IRS1: variants seen among roughly 807,000 people sequenced by gnomAD.
IRS1 encodes insulin receptor substrate 1.
A neutral mutation model predicts 65.6 loss-of-function variants in IRS1; 34 were observed. The observed-to-expected ratio is 0.52, with a 90% CI of 0.39 to 0.69. IRS1 has a LOEUF of 0.69. IRS1 is among the 30% of genes least tolerant of loss of function. IRS1 has a pLI of 0.00. For missense variants in IRS1, 1,641 were observed against 1,720.2 expected (o/e 0.95, Z 0.81); for synonymous variants, 699 against 683.5 (o/e 1.02, Z -0.35).
chr2:226,781,038 A>G (rs1939371403), intron 1 of IRS1, among the ~76,000 whole-genome samples: 1 of 152,190 alleles, frequency 6.6e-6, no homozygotes, highest in South Asian at 2.1e-4. Context: ...TTTAGTAGGA[A>G]GGAGTGCCAT....
Position 226,795,717 on chromosome 2 carries a change from C to A in IRS1, c.3022G>T (p.Ala1008Ser), listed in dbSNP as rs764021548. ...CGCATGTCAGCATAGCTTACAGGGG[C>A]AGCTGGCGAGGTGTCCACGTAGCTC... ...RQSYVDTSPA[A>S]PVSYADMRTG... is the part of the protein sequence containing the mutation. Residue 1008 changes from alanine to serine, a missense_variant, in exon 1 of 2, where the codon GCC becomes TCC. Physicochemically the swap from Ala to Ser is moderately conservative, Grantham distance 99. This residue lies in a region of IRS1 where 1,324 missense variants were observed against 1,361.0 expected (regional missense o/e 0.97). Transcript: ENST00000305123. 6.2e-7 allele frequency: 1 copy of A among 1,613,402 alleles called. No individual in the cohort carries two copies. Among genetic ancestry groups the A allele is most frequent in the Admixed American group, 1.7e-5 (1 of 60,030 alleles).
rs766239600 is a variant in IRS1, at chr2:226,733,012, A to G, written c.*3260T>C. On this transcript the variant is annotated 3_prime_UTR_variant, in exon 2 of 2. Transcript: ENST00000305123. ...GTCACCAGCAGTTGGAAGACTGCAC[A>G]TGGATACTATTTGTCATGGCTCTCG... 3.3e-5 allele frequency: 5 copies of G among 152,188 alleles called. No individual in the cohort carries two copies. The highest frequency in any genetic ancestry group is 7.3e-5 in the Non-Finnish European group (5 of 68,042). 9.4% of individuals were successfully genotyped at this position (152,188 alleles called of 1,614,324 possible).
At chr2:226,750,106 G>A (rs1017938204) in intron 1 of IRS1, among the ~76,000 whole-genome samples, 29 of 152,004 alleles carry the variant, frequency 1.9e-4, no homozygotes, top group African/African-American at 6.8e-4. Context: ...AAAATTAGCT[G>A]GGTGTGGTGG....
At chr2:226,765,606 A>G (rs1228676865) in intron 1 of IRS1, among the ~76,000 whole-genome samples, 1 of 152,194 alleles carries the variant, frequency 6.6e-6, no homozygotes, top group African/African-American at 2.4e-5. Flanking sequence ...TAAAGTATCC[A>G]TGGAGCTTTT....
intron 1 of IRS1, among the ~76,000 whole-genome samples, chr2:226,765,031 T>C (rs987096816): frequency 6.6e-6 from 1 of 152,246 alleles, no homozygotes; most frequent in Non-Finnish European, 1.5e-5. Flanking sequence ...CCTTTTGAAT[T>C]ATATATCCTT....
chr2:226,745,129 A>C (rs1938513982), intron 1 of IRS1, among the ~76,000 whole-genome samples: 1 of 152,232 alleles, frequency 6.6e-6, no homozygotes, highest in South Asian at 2.1e-4. Context: ...TATGATAGTA[A>C]TTCTTCAACA....
At position 226,797,267 on chromosome 2, in the gene IRS1, C is replaced by T. The variant is rs1939753838; in HGVS notation, c.1472G>A (p.Gly491Asp). 2 of 1,613,502 alleles carry T rather than the reference C, an allele frequency of 1.2e-6. No homozygotes were observed. The highest frequency in any genetic ancestry group is 1.7e-6 in the Non-Finnish European group (2 of 1,179,938). The change falls in exon 1 of 2, where the codon GGC becomes GAC. Residue 491 changes from glycine to aspartate, a missense_variant. Coordinates refer to ENST00000305123, the MANE Select transcript of IRS1 (RefSeq NM_005544.3). This position sits in a 1 kb window ranked among gnomAD's most constrained non-coding sequence, Gnocchi z 8.1. ...GHYILSRGGN[G>D]HRCTPGTGLG... ...GCCTGTTCCTGGGGTGCAGCGGTGG[C>T]CATTGCCACCCCGAGACAAAATGTA...
At chr2:226,783,881 C>G (rs1939435903) in intron 1 of IRS1, among the ~76,000 whole-genome samples, 1 of 152,088 alleles carries the variant, frequency 6.6e-6, no homozygotes, top group Non-Finnish European at 1.5e-5. Context: ...CATTGCTTCC[C>G]TGCTCTTGCT....
rs1265038556 is a variant in IRS1, at chr2:226,797,161, G to C, written c.1578C>G (p.His526Gln). The C allele has an allele frequency of 1.9e-6, 3 of 1,613,860 alleles. No homozygotes were observed. Among genetic ancestry groups the C allele is most frequent in the Admixed American group, 1.7e-5 (1 of 60,010 alleles). Reference sequence around the variant, plus strand: ...TAATGGTAGGGGATGTGCCTGCCGAGTGAGTTCTCTTTCGGAACCGATTAT... The same window carrying C: ...TAATGGTAGGGGATGTGCCTGCCGACTGAGTTCTCTTTCGGAACCGATTAT... ...DLDNRFRKRT[H>Q]SAGTSPTITH... Residue 526 changes from histidine (H) to glutamine (Q), a missense_variant, in exon 1 of 2, where the codon CAC (histidine) becomes CAG (glutamine). Coordinates refer to ENST00000305123, the MANE Select transcript of IRS1 (RefSeq NM_005544.3). This position sits in a 1 kb window ranked among gnomAD's most constrained non-coding sequence, Gnocchi z 8.1.
intron 1 of IRS1, among the ~76,000 whole-genome samples, chr2:226,784,997 C>G (rs952611623): frequency 6.6e-6 from 1 of 152,310 alleles, no homozygotes; most frequent in African/African-American, 2.4e-5. Context: ...CAGGACATCA[C>G]TAGTGTAAAT....
At chr2:226,770,242 A>T (rs766603694) in intron 1 of IRS1, among the ~76,000 whole-genome samples, 1 of 152,212 alleles carries the variant, frequency 6.6e-6, no homozygotes, top group Non-Finnish European at 1.5e-5. Flanking sequence ...CCCCTCAAAC[A>T]TGTGTGAATT....
rs769109350 is a variant in IRS1, at chr2:226,799,365, TTGCTGCTGCTGC to T, written c.-639_-628del. On this transcript the variant is annotated 5_prime_UTR_variant, in exon 1 of 2. Coordinates refer to ENST00000305123, the MANE Select transcript of IRS1 (RefSeq NM_005544.3). This position sits in a 1 kb window ranked among gnomAD's most constrained non-coding sequence, Gnocchi z 6.1. The stretch of plus-strand genomic sequence containing the variant: ...GACCGCGGCGCTGCGGCTGTTGCTG[TTGCTGCTGCTGC>T]TGCTGCTGCTGCTGCCGCCGCCCGC... The T allele has an allele frequency of 6.0e-5, 74 of 1,239,850 alleles. No homozygotes were observed. The African/African-American group carries it at 1.0e-3, about 17-fold the overall frequency. The allele number at this position is 1,239,850 out of a possible 1,614,324, so 76.8% of individuals were successfully genotyped here.
In IRS1 at chr2:226,797,329, G is replaced by C; in HGVS notation, c.1410C>G (p.Gly470=). Residue 470 remains glycine (G), a synonymous_variant, in exon 1 of 2, where the codon GGC becomes GGG. Transcript: ENST00000305123. The surrounding 1 kb of genome is among the most constrained non-coding windows in gnomAD (Gnocchi z 8.1). Reference sequence around the variant, plus strand: ...GGGCGGTCAGGGTGGAGGGCCCCTTGCCACCCATGCAGATATAGTTGCTTA... The same window carrying C: ...GGGCGGTCAGGGTGGAGGGCCCCTTCCCACCCATGCAGATATAGTTGCTTA... The part of the protein sequence containing the change: ...EELSNYICMG[G]KGPSTLTAPN... 6.2e-7 allele frequency: 1 copy of C among 1,613,422 alleles called. No homozygotes were observed. Among genetic ancestry groups the C allele is most frequent in the Non-Finnish European group, 8.5e-7 (1 of 1,179,994 alleles).
At chr2:226,768,691 T>C (rs1487250477) in intron 1 of IRS1, among the ~76,000 whole-genome samples, 1 of 152,146 alleles carries the variant, frequency 6.6e-6, no homozygotes, top group African/African-American at 2.4e-5. Context: ...CAAAATCTTG[T>C]AGTGGCGCTA....
In IRS1 at chr2:226,798,278, A is replaced by G. The variant is rs1939792521; in HGVS notation, c.461T>C (p.Val154Ala). Residue 154 changes from valine to alanine, a missense_variant, in exon 1 of 2, where the codon GTG becomes GCG. Val to Ala is a moderately conservative substitution (Grantham distance 64). Around this residue, in one of 3 missense-constraint regions of IRS1, gnomAD observed 240 missense variants for 229.6 expected, o/e 1.05. Coordinates refer to ENST00000305123, the MANE Select transcript of IRS1 (RefSeq NM_005544.3). This position sits in a 1 kb window ranked among gnomAD's most constrained non-coding sequence, Gnocchi z 9.4. The stretch of plus-strand genomic sequence containing the variant: ...CTCTTTGAATGCGGGTCCTGGGGGC[A>G]CGTCACCGTAGCTCAAGTCCTCCCC... ...EAGEDLSYGDVPPGPAFKEVW... is the reference protein window; with the variant it reads ...EAGEDLSYGDAPPGPAFKEVW... The G allele has an allele frequency of 1.2e-6, 2 of 1,613,056 alleles. No homozygotes were observed. The highest frequency in any genetic ancestry group is 4.5e-5 in the East Asian group (2 of 44,862).
rs1230199931 is a variant in IRS1, at chr2:226,795,806, G to A, written c.2933C>T (p.Pro978Leu). 1.9e-6 allele frequency: 3 copies of A among 1,612,914 alleles called. No individual in the cohort carries two copies. The highest frequency in any genetic ancestry group is 2.5e-6 in the Non-Finnish European group (3 of 1,179,772). Residue 978 changes from proline to leucine, a missense_variant, in exon 1 of 2, where the codon CCT becomes CTT. Physicochemically the swap from Pro to Leu is moderately conservative, Grantham distance 98. Coordinates refer to ENST00000305123, the MANE Select transcript of IRS1 (RefSeq NM_005544.3). ...APPGAASICR[P>L]TRAVPSSRGD... ...CCGGCTGCTGGGCACTGCCCGGGTA[G>A]GCCTGCAAATGCTAGCAGCCCCGGG...
rs138975702 is a variant in IRS1 at position 226,796,679 on chromosome 2, T to TTGC, written c.2057_2059dup (p.Ser686dup). 2.4e-4 allele frequency: 390 copies of TTGC among 1,610,450 alleles called. No individual in the cohort carries two copies. The highest frequency in any genetic ancestry group is 8.9e-4 in the South Asian group (81 of 90,746). ...ATAGCTGGTCCCGGAAGGGACGGCG[T>TTGC]TGCTGCTGCTGCTGCTGCTGCTGGG... On this transcript the variant is annotated inframe_insertion, in exon 1 of 2. Coordinates refer to ENST00000305123, the MANE Select transcript of IRS1 (RefSeq NM_005544.3).
intron 1 of IRS1, among the ~76,000 whole-genome samples, chr2:226,751,568 C>G (rs1422007485): frequency 6.6e-6 from 1 of 152,080 alleles, no homozygotes; most frequent in Non-Finnish European, 1.5e-5. Context: ...CAGGCGTGAG[C>G]CACCGCGCCC....
intron 1 of IRS1, among the ~76,000 whole-genome samples, chr2:226,742,629 G>C (rs1041518325): frequency 6.6e-6 from 1 of 151,768 alleles, no homozygotes; most frequent in Admixed American, 6.6e-5. Context: ...TCTCGCTCCA[G>C]TTCCCCTTTT....
Sources: allele counts gnomAD v4.1 joint callset (sites outside exome capture counted in the v4.1 genomes callset), GRCh38; gene constraint gnomAD v4.1.1; regional missense constraint gnomAD v4.1.1; non-coding constraint Gnocchi (gnomAD v3.1); transcripts MANE v1.5; gene names NCBI Gene and HGNC (gene_info 2026-07-23, HGNC 2026-07-21).